The following ITIH2 variants were observed in gnomAD, a reference collection of about 807,000 sequenced individuals.
ITIH2 encodes inter-alpha-trypsin inhibitor heavy chain 2, also known as inter-alpha-trypsin inhibitor heavy chain H2.
Under a neutral mutation model 104.4 loss-of-function variants are expected in ITIH2, and 103 were observed. The observed-to-expected ratio is 0.99, with a 90% CI of 0.84 to 1.16. The LOEUF is 1.16. Among genes scored for constraint, ITIH2 ranks in the 50% most tolerant of loss-of-function variants. ITIH2 has a pLI of 0.00. For missense variants in ITIH2, 1,108 were observed against 1,162.4 expected, an observed-to-expected ratio of 0.95 and a Z score of 0.68; for synonymous variants, 436 against 435.4, an observed-to-expected ratio of 1.00 and a Z score of -0.02.
intron 20 of ITIH2, among the ~76,000 whole-genome samples, chr10:7,748,082 G>A (rs900687937): frequency 5.3e-4 from 80 of 151,474 alleles, no homozygotes; most frequent in East Asian, 7.8e-4. Context: ...GGTGGCGGGC[G>A]CCTGTATTCC....
At chr10:7,705,494 C>T (rs1588448415) in intron 2 of ITIH2, among the ~76,000 whole-genome samples, 1 of 151,942 alleles carries the variant, frequency 6.6e-6, no homozygotes, top group East Asian at 1.9e-4. Context: ...TCACTTGAGG[C>T]CAGGAGTTCC....
intron 11 of ITIH2, 70 bp downstream of exon 11, chr10:7,727,898 A>C: frequency 4.5e-6 from 7 of 1,550,596 alleles, no homozygotes; most frequent in Non-Finnish European, 5.3e-6. Flanking sequence ...GGTTTGCCTA[A>C]AAGGGGAACT....
chr10:7,730,134 G>T lies in ITIH2; in HGVS notation c.1461+1G>T, dbSNP rs766610491. 3.1e-6 allele frequency: 5 copies of T among 1,587,878 alleles called. No homozygotes were observed. Among genetic ancestry groups the T allele is most frequent in the Non-Finnish European group, 4.3e-6 (5 of 1,169,044 alleles). ...CCAGGACACGTCTTCCCAGCTTAAG[G>T]TAACATTTTCTTCTGTTCTTTTTTT... On this transcript the variant is annotated splice_donor_variant, in intron 12 of 20. Transcript: ENST00000358415. LOFTEE classifies it high-confidence loss of function.
At chr10:7,723,342 G>A (rs941073499) in intron 8 of ITIH2, 109 bp from the exon 9 acceptor site, 4 of 748,012 alleles carry the variant, frequency 5.3e-6, no homozygotes, top group Admixed American at 2.0e-5. Context: ...ATCAAGCTCC[G>A]CCTCCTCCTC....
At chr10:7,717,485 C>T in intron 5 of ITIH2, 141 bp from the exon 6 acceptor site, 1 of 702,202 alleles carries the variant, frequency 1.4e-6, no homozygotes, top group Non-Finnish European at 2.5e-6. Flanking sequence ...GCACTTATCT[C>T]TAGTGTACCT....
intron 8 of ITIH2, among the ~76,000 whole-genome samples, chr10:7,722,359 C>G (rs535194711): frequency 1.8e-4 from 27 of 152,224 alleles, no homozygotes; most frequent in African/African-American, 5.8e-4. Flanking sequence ...TGGAAAGAGG[C>G]AGCCAAAGGG....
intron 16 of ITIH2, among the ~76,000 whole-genome samples, chr10:7,739,237 GC>G (rs1488790285): frequency 1.5e-4 from 23 of 152,160 alleles, no homozygotes; most frequent in Admixed American, 1.2e-3. Flanking sequence ...TCCTTGCGTT[GC>G]AGCCTTCACC....
chr10:7,739,637 T>A (rs546816285), intron 16 of ITIH2, among the ~76,000 whole-genome samples: 1 of 152,262 alleles, frequency 6.6e-6, no homozygotes, highest in Admixed American at 6.5e-5. Context: ...ACACTTGTAA[T>A]CCCAGCACTT....
At chr10:7,738,592 A>T in intron 15 of ITIH2, 29 bp from the exon 16 acceptor site, 1 of 1,611,946 alleles carries the variant, frequency 6.2e-7, no homozygotes, top group African/African-American at 1.3e-5. Flanking sequence ...TAAATCTAGA[A>T]ACTAACAGAT....
chr10:7,703,534 T>G lies in ITIH2; in HGVS notation c.84+16T>G. The G allele has an allele frequency of 6.6e-7, 1 of 1,515,894 alleles. No homozygotes were observed. Among genetic ancestry groups the G allele is most frequent in the Non-Finnish European group, 9.2e-7 (1 of 1,091,544 alleles). 93.9% of individuals were successfully genotyped at this position (1,515,894 alleles called of 1,614,324 possible). On this transcript the variant is annotated intron_variant, in intron 1 of 20. Transcript: ENST00000358415. ...ACTTTCTGAAGTAAGTACTTACAGA[T>G]CACTCCTTGCTGTTGGCTTGTTCAT...
intron 3 of ITIH2, among the ~76,000 whole-genome samples, chr10:7,707,817 A>T (rs1834761508): frequency 6.6e-6 from 1 of 152,184 alleles, no homozygotes; most frequent in Admixed American, 6.6e-5. Context: ...CACCTCCCTC[A>T]GCCTCCCAAA....
At chr10:7,739,917 G>C (rs889806278) in intron 16 of ITIH2, among the ~76,000 whole-genome samples, 6 of 152,116 alleles carry the variant, frequency 3.9e-5, no homozygotes, top group Non-Finnish European at 8.8e-5. Flanking sequence ...CGGGCACGGT[G>C]GCTTACGCCT....
At chr10:7,743,002 A>G in intron 16 of ITIH2, 144 bp from the exon 17 acceptor site, 3 of 584,928 alleles carry the variant, frequency 5.1e-6, no homozygotes, top group Non-Finnish European at 9.1e-6. Context: ...CTGGGTCCCC[A>G]AGACCTGGAG....
At chr10:7,705,700 TAAAA>T (rs34935493) in intron 2 of ITIH2, among the ~76,000 whole-genome samples, 1 of 131,852 alleles carries the variant, frequency 7.6e-6, no homozygotes, top group African/African-American at 2.8e-5. Flanking sequence ...CCACTCCATT[TAAAA>T]AAAAAAAAAA....
rs372771767 is a variant in ITIH2, at chr10:7,729,934, G to A, written c.1280-18G>A. ...ATTGCTTCTTCATTCCTTTCCTTTC[G>A]GACATCACCAACTTTAGGCGAACTA... On this transcript the variant is annotated intron_variant, in intron 11 of 20. Coordinates refer to ENST00000358415, the MANE Select transcript of ITIH2 (RefSeq NM_002216.3). The A allele has an allele frequency of 3.4e-5, 53 of 1,558,468 alleles. No individual in the cohort carries two copies. In the East Asian group the frequency reaches 3.4e-4, roughly 10 times the overall value.
intron 15 of ITIH2, among the ~76,000 whole-genome samples, chr10:7,737,421 A>G (rs951131228): frequency 4.5e-5 from 6 of 134,682 alleles, no homozygotes; most frequent in Admixed American, 8.2e-5. Context: ...ATATATATAT[A>G]TATATACACG....
At position 7,748,247 on chromosome 10, in the gene ITIH2, C is replaced by CATAT. The variant is rs71385668; in HGVS notation, c.2694-929_2694-926dup. Reference sequence around the variant, plus strand: ...ACATATATAAATAAATATATGTATACATATATATATATATTTACTATAATG... The same window carrying CATAT: ...ACATATATAAATAAATATATGTATACATATATATATATATATATTTACTATAATG... On this transcript the variant is annotated intron_variant, in intron 20 of 20. Coordinates refer to ENST00000358415, the MANE Select transcript of ITIH2 (RefSeq NM_002216.3). Among the ~76,000 whole-genome samples, 834 of 143,014 alleles carry CATAT rather than the reference C, an allele frequency of 5.8e-3. 11 individuals carry two copies. Among genetic ancestry groups the CATAT allele is most frequent in the African/African-American group, 0.019 (754 of 39,150 alleles). The allele number at this position is 143,014 out of a possible 152,430, so 93.8% of individuals were successfully genotyped here.
intron 18 of ITIH2, among the ~76,000 whole-genome samples, chr10:7,744,556 T>C (rs1835157424): frequency 6.6e-6 from 1 of 152,174 alleles, no homozygotes; most frequent in African/African-American, 2.4e-5. Context: ...CCAGCTGAAA[T>C]CCATACTGAC....
In ITIH2 at chr10:7,749,326, C is replaced by T. The variant is rs758967265; in HGVS notation, c.2833C>T (p.Arg945Trp). 28 of 1,613,692 alleles carry T rather than the reference C, an allele frequency of 1.7e-5. No homozygotes were observed. The highest frequency in any genetic ancestry group is 2.7e-5 in the African/African-American group (2 of 74,902). ...FVPQLYSFLK[R>W]P is the part of the protein sequence containing the mutation. ...GCCTCAGCTCTACAGCTTTCTCAAA[C>T]GGCCTTAAAGGTTTATAGTTTGGGA... The change falls in exon 21 of 21, where the codon CGG becomes TGG. Residue 945 changes from arginine to tryptophan, a missense_variant. Physicochemically the swap from Arg to Trp is moderately radical, Grantham distance 101. Transcript: ENST00000358415.
Sources: gnomAD v4.1 joint callset for allele counts (sites outside exome capture counted in the v4.1 genomes callset) on GRCh38, gnomAD v4.1.1 for gene constraint, MANE v1.5 for transcripts, NCBI Gene and HGNC (gene_info 2026-07-23, HGNC 2026-07-21) for gene names.